MPRIP: variants seen among roughly 807,000 people sequenced by gnomAD.
MPRIP encodes myosin phosphatase Rho interacting protein, also known as myosin phosphatase Rho-interacting protein.
A neutral mutation model predicts 234.9 loss-of-function variants in MPRIP; 59 were observed. That is an observed-to-expected ratio of 0.25 (90% CI 0.20 to 0.31). The LOEUF (loss-of-function observed/expected upper bound fraction) is 0.31, where lower values mean the gene tolerates loss of function less well. MPRIP is among the 10% of genes least tolerant of loss of function. MPRIP has a pLI of 1.00. For synonymous variants in MPRIP, 1,144 were observed against 1,263.9 expected, an observed-to-expected ratio of 0.91 and a Z score of 2.01; for missense variants, 2,436 against 3,071.0, an observed-to-expected ratio of 0.79 and a Z score of 4.89.
intron 1 of MPRIP, among the ~76,000 whole-genome samples, chr17:17,053,089 T>G (rs2088590493): frequency 6.6e-6 from 1 of 151,844 alleles, no homozygotes; most frequent in African/African-American, 2.4e-5. Context: ...CACTTGAGGC[T>G]CAGGAGCCTC....
chr17:17,154,504 G>C (rs2045684837), intron 13 of MPRIP, 89 bp downstream of exon 13: 2 of 1,086,018 alleles, frequency 1.8e-6, no homozygotes, highest in African/African-American at 1.5e-5. Flanking sequence ...TCTGAAGTCT[G>C]AGACCTGAGC....
intron 3 of MPRIP, among the ~76,000 whole-genome samples, chr17:17,115,226 T>A (rs1456964690): frequency 1.3e-5 from 2 of 152,254 alleles, no homozygotes; most frequent in Non-Finnish European, 2.9e-5. Context: ...GCGGTAGCTC[T>A]GCGTCTGTGG....
chr17:17,056,537 G>T (rs1158801890), intron 1 of MPRIP, among the ~76,000 whole-genome samples: 1 of 152,162 alleles, frequency 6.6e-6, no homozygotes, highest in Non-Finnish European at 1.5e-5. Flanking sequence ...GTAGTTTACA[G>T]CCAGCCAGCA....
In MPRIP at chr17:17,131,575, G is replaced by C. The variant is rs200386200; in HGVS notation, c.420-42G>C. The C allele has an allele frequency of 1.3e-5, 21 of 1,556,692 alleles. No individual in the cohort carries two copies. In the East Asian group the frequency reaches 4.3e-4, roughly 32 times the overall value. Reference sequence around the variant, plus strand: ...GGGCCAGGGCTCCTAGTCCCCGAGTGCCAGGGTCTTACCTGGTACTTGTCT... The same window carrying C: ...GGGCCAGGGCTCCTAGTCCCCGAGTCCCAGGGTCTTACCTGGTACTTGTCT... On this transcript the variant is annotated intron_variant, in intron 4 of 23. Coordinates refer to ENST00000651222, the MANE Select transcript of MPRIP (RefSeq NM_001364716.4).
At position 17,094,127 on chromosome 17, in the gene MPRIP, G is replaced by T. The variant is rs572513835; in HGVS notation, c.267+16051G>T. ...GTTTGTTCGTTTTTGTTTTTGTGGG[G>T]TTTTTTTTGGTTTGTTTTTTGGTTT... On this transcript the variant is annotated intron_variant, in intron 3 of 23. Coordinates refer to ENST00000651222, the MANE Select transcript of MPRIP (RefSeq NM_001364716.4). Among the ~76,000 whole-genome samples the T allele has an allele frequency of 2.5e-4, 38 of 151,704 alleles. 1 individual carries two copies. The East Asian group carries it at 3.5e-3, about 14-fold the overall frequency.
At chr17:17,115,043 C>T (rs560019371) in intron 3 of MPRIP, among the ~76,000 whole-genome samples, 4 of 152,274 alleles carry the variant, frequency 2.6e-5, no homozygotes, top group Non-Finnish European at 2.9e-5. Context: ...GCCCAGCCCA[C>T]GCACTGCAGC....
rs2045955803 is a variant in MPRIP, at chr17:17,165,117, G to A, written c.3526G>A (p.Ala1176Thr). Reference protein sequence around the residue: ...KEEELERIKEAHEKVLEKKEQ... With the variant: ...KEEELERIKETHEKVLEKKEQ... The stretch of plus-strand genomic sequence containing the variant: ...GGAAGAGCTGGAGCGCATTAAGGAA[G>A]CACATGAGAAGGTTCTGGAGAAGAA... The change falls in exon 16 of 24, where the codon GCA becomes ACA. Residue 1176 changes from alanine (A) to threonine (T), a missense_variant. Ala to Thr is a moderately conservative substitution (Grantham distance 58). This residue lies in a region of MPRIP where 1,998 missense variants were observed against 2,520.3 expected (regional missense o/e 0.79). Transcript: ENST00000651222. The A allele has an allele frequency of 7.7e-7, 1 of 1,304,080 alleles. No individual in the cohort carries two copies. Among genetic ancestry groups the A allele is most frequent in the Admixed American group, 2.3e-5 (1 of 43,554 alleles). 80.8% of individuals were successfully genotyped at this position (1,304,080 alleles called of 1,614,324 possible).
chr17:17,165,955 C>A lies in MPRIP; in HGVS notation c.4364C>A (p.Ala1455Asp). ...SQLEQERQER[A>D]RRVEGHVGEL... ...CTGGAGCAGGAGAGGCAGGAGAGGG[C>A]CAGGAGGGTTGAAGGGCATGTTGGA... is the stretch of plus-strand genomic sequence containing the variant. Residue 1455 changes from alanine (A) to aspartate (D), a missense_variant, in exon 16 of 24, where the codon GCC becomes GAC. Around this residue, in one of 4 missense-constraint regions of MPRIP, gnomAD observed 1,998 missense variants for 2,520.3 expected, o/e 0.79. Coordinates refer to ENST00000651222, the MANE Select transcript of MPRIP (RefSeq NM_001364716.4). The A allele has an allele frequency of 7.7e-7, 1 of 1,304,244 alleles. No individual in the cohort carries two copies. The allele number at this position is 1,304,244 out of a possible 1,614,324, so 80.8% of individuals were successfully genotyped here. A position where few individuals can be genotyped will look rare whatever the true frequency, so the allele number is the denominator to read the frequency against.
In MPRIP at chr17:17,138,051, C is replaced by T. The variant is rs768138016; in HGVS notation, c.872C>T (p.Pro291Leu). 6.2e-7 allele frequency: 1 copy of T among 1,608,508 alleles called. No individual in the cohort carries two copies. Among genetic ancestry groups the T allele is most frequent in the Admixed American group, 1.7e-5 (1 of 59,560 alleles). Reference protein sequence around the residue: ...EQQLPPPLSPPSPSTPNHRYS... With the variant: ...EQQLPPPLSPLSPSTPNHRYS... ...CAGCTGCCCCCGCCGCTCTCCCCTC[C>T]CAGCCCCAGCACCCCCAACCACAGG... is the stretch of plus-strand genomic sequence containing the variant. Residue 291 changes from proline (P) to leucine (L), a missense_variant, in exon 7 of 24, where the codon CCC becomes CTC. Coordinates refer to ENST00000651222, the MANE Select transcript of MPRIP (RefSeq NM_001364716.4). This position sits in a 1 kb window ranked among gnomAD's most constrained non-coding sequence, Gnocchi z 5.8.
chr17:17,190,291 G>C lies in MPRIP; in HGVS notation c.*5397G>C, dbSNP rs575342335. 1 of 152,382 alleles carries C rather than the reference G, an allele frequency of 6.6e-6. No homozygotes were observed. The highest frequency in any genetic ancestry group is 2.1e-4 in the South Asian group (1 of 4,832). 9.4% of individuals were successfully genotyped at this position (152,382 alleles called of 1,614,324 possible). A position where few individuals can be genotyped will look rare whatever the true frequency, so the allele number is the denominator to read the frequency against. On this transcript the variant is annotated 3_prime_UTR_variant, in exon 24 of 24. Transcript: ENST00000651222. Reference sequence around the variant, plus strand: ...AATGCCAAGCAACAGAACGTTCTGAGATGGCCGTTCTTCCTTGCACAGCAG... The same window carrying C: ...AATGCCAAGCAACAGAACGTTCTGACATGGCCGTTCTTCCTTGCACAGCAG...
At chr17:17,096,634 T>C in intron 3 of MPRIP, 1 of 390,848 alleles carries the variant, frequency 2.6e-6, no homozygotes, top group African/African-American at 2.1e-5. Flanking sequence ...ATAAGACCCT[T>C]GTTGTTGACT....
At chr17:17,180,900 C>A (rs1206909191) in intron 23 of MPRIP, among the ~76,000 whole-genome samples, 1 of 152,228 alleles carries the variant, frequency 6.6e-6, no homozygotes, top group Admixed American at 6.5e-5. Flanking sequence ...AGCCAGGCAC[C>A]CATCAGCATG....
chr17:17,158,588 C>T lies in MPRIP; in HGVS notation c.1986C>T (p.Asp662=). Residue 662 remains aspartate (D), a synonymous_variant, in exon 14 of 24, where the codon GAC becomes GAT. Transcript: ENST00000651222. ...RRREGRSKTF[D]WAEFRPIQQA... is the part of the protein sequence containing the mutation. ...GAGAGGGCCGCTCCAAGACCTTTGACTGGGCTGAGTTCCGTCCCATCCAGC... is the reference window on the plus strand; with the variant it reads ...GAGAGGGCCGCTCCAAGACCTTTGATTGGGCTGAGTTCCGTCCCATCCAGC... 6.2e-7 allele frequency: 1 copy of T among 1,609,156 alleles called. No homozygotes were observed. The highest frequency in any genetic ancestry group is 8.5e-7 in the Non-Finnish European group (1 of 1,178,788).
chr17:17,094,896 G>T (rs1053520460), intron 3 of MPRIP, among the ~76,000 whole-genome samples: 6 of 152,068 alleles, frequency 3.9e-5, no homozygotes, highest in Admixed American at 1.3e-4. Flanking sequence ...ACAGGAGTGA[G>T]CCACTGTGCC....
chr17:17,090,018 A>C (rs1033739040), intron 3 of MPRIP, among the ~76,000 whole-genome samples: 26 of 152,158 alleles, frequency 1.7e-4, no homozygotes, highest in Admixed American at 1.7e-3. Flanking sequence ...CCTCCTGTTC[A>C]CTGATTCAAC....
intron 1 of MPRIP, among the ~76,000 whole-genome samples, chr17:17,048,071 G>C (rs2088412693): frequency 6.6e-6 from 1 of 152,170 alleles, no homozygotes; most frequent in Non-Finnish European, 1.5e-5. Context: ...TTCTCCTGCT[G>C]ACTGTGTAAC....
rs1170179592 is a variant in MPRIP, at chr17:17,166,796, G to A, written c.5205G>A (p.Ala1735=). The A allele has an allele frequency of 8.4e-6, 11 of 1,304,094 alleles. No individual in the cohort carries two copies. Among genetic ancestry groups the A allele is most frequent in the East Asian group, 5.5e-5 (1 of 18,026 alleles). The allele number at this position is 1,304,094 out of a possible 1,614,324, so 80.8% of individuals were successfully genotyped here. A position where few individuals can be genotyped will look rare whatever the true frequency, so the allele number is the denominator to read the frequency against. Residue 1735 remains alanine, a synonymous_variant, in exon 16 of 24, where the codon GCG becomes GCA. Coordinates refer to ENST00000651222, the MANE Select transcript of MPRIP (RefSeq NM_001364716.4). This position sits in a 1 kb window ranked among gnomAD's most constrained non-coding sequence, Gnocchi z 4.4. ...QQVLEALRLP[A]GHEDGVQLSW... is the part of the protein sequence containing the mutation. ...TCTTGGAAGCCCTCAGGCTTCCAGCGGGCCATGAAGATGGTGTTCAGCTGT... is the reference window on the plus strand; with the variant it reads ...TCTTGGAAGCCCTCAGGCTTCCAGCAGGCCATGAAGATGGTGTTCAGCTGT...
chr17:17,190,784 C>T lies in MPRIP; in HGVS notation c.*5890C>T, dbSNP rs2046571217. The T allele has an allele frequency of 6.6e-6, 1 of 152,096 alleles. No homozygotes were observed. Among genetic ancestry groups the T allele is most frequent in the African/African-American group, 2.4e-5 (1 of 41,410 alleles). The allele number at this position is 152,096 out of a possible 1,614,324, so 9.4% of individuals were successfully genotyped here. ...TCTTGGGTCCGAGTCCTTAGGTGTT[C>T]GGATGCAGTACTTTGTGAATACTTA... is the stretch of plus-strand genomic sequence containing the variant. On this transcript the variant is annotated 3_prime_UTR_variant, in exon 24 of 24. Coordinates refer to ENST00000651222, the MANE Select transcript of MPRIP (RefSeq NM_001364716.4).
chr17:17,166,658 C>A lies in MPRIP; in HGVS notation c.5067C>A (p.Ser1689Arg), dbSNP rs1360083770. ...AGTCGTTCCACCGCAGGCTACAGAG[C>A]ATCCAGGAGACCCTGCGGGGCACCC... ...VRESFHRRLQ[S>R]IQETLRGTQT... is the part of the protein sequence containing the mutation. Residue 1689 changes from serine to arginine, a missense_variant, in exon 16 of 24, where the codon AGC becomes AGA. Ser to Arg is a moderately radical substitution (Grantham distance 110). Around this residue, in one of 4 missense-constraint regions of MPRIP, gnomAD observed 1,998 missense variants for 2,520.3 expected, o/e 0.79. Transcript: ENST00000651222. The surrounding 1 kb of genome is among the most constrained non-coding windows in gnomAD (Gnocchi z 4.4). 1 of 1,304,144 alleles carries A rather than the reference C, an allele frequency of 7.7e-7. No homozygotes were observed. Among genetic ancestry groups the A allele is most frequent in the South Asian group, 1.2e-5 (1 of 81,034 alleles). 80.8% of individuals were successfully genotyped at this position (1,304,144 alleles called of 1,614,324 possible).
Sources: gnomAD v4.1 joint callset for allele counts (sites outside exome capture counted in the v4.1 genomes callset) on GRCh38, gnomAD v4.1.1 for gene constraint, gnomAD v4.1.1 regional missense constraint, Gnocchi (gnomAD v3.1) non-coding constraint, MANE v1.5 for transcripts, NCBI Gene and HGNC (gene_info 2026-07-23, HGNC 2026-07-21) for gene names.